ZNF740: variants seen among roughly 807,000 people sequenced by gnomAD.
ZNF740 encodes oriLyt TD-element-binding protein 7.
A neutral mutation model predicts 24.8 loss-of-function variants in ZNF740; 14 were observed. The observed-to-expected ratio is 0.56, with a 90% CI of 0.37 to 0.88. ZNF740 has a LOEUF of 0.88. Ranked by LOEUF, ZNF740 falls within the 40% of genes least tolerant of loss-of-function variation. The pLI is 0.00. For missense variants in ZNF740, 201 were observed against 247.9 expected, an observed-to-expected ratio of 0.81 and a Z score of 1.27; for synonymous variants, 69 against 84.0, an observed-to-expected ratio of 0.82 and a Z score of 0.98.
chr12:53,194,174 C>T lies in ZNF740; in HGVS notation c.*6584C>T. On this transcript the variant is annotated 3_prime_UTR_variant, in exon 7 of 7. Transcript: ENST00000416904. ...ACTCCCACCTCCCCCTGCCCGCCTTCTGCCTGTGCTTGCTGGCTCTCACCG... is the reference window on the plus strand; with the variant it reads ...ACTCCCACCTCCCCCTGCCCGCCTTTTGCCTGTGCTTGCTGGCTCTCACCG... 2 of 1,613,818 alleles carry T rather than the reference C, an allele frequency of 1.2e-6. No homozygotes were observed. The highest frequency in any genetic ancestry group is 1.7e-6 in the Non-Finnish European group (2 of 1,179,768).
At position 53,187,538 on chromosome 12, in the gene ZNF740, G is replaced by A. The variant is rs1336948495; in HGVS notation, c.530G>A (p.Arg177Gln). 2.5e-6 allele frequency: 4 copies of A among 1,613,976 alleles called. No homozygotes were observed. The highest frequency in any genetic ancestry group is 1.1e-5 in the South Asian group (1 of 91,084). ...SRTDRLLRHKRMCQGCQSKTS... is the reference protein window; with the variant it reads ...SRTDRLLRHKQMCQGCQSKTS... ...ACAGATCGATTACTCAGACACAAACGGATGTGCCAAGGGTGCCAGTCCAAG... is the reference window on the plus strand; with the variant it reads ...ACAGATCGATTACTCAGACACAAACAGATGTGCCAAGGGTGCCAGTCCAAG... Residue 177 changes from arginine to glutamine, a missense_variant, in exon 7 of 7, where the codon CGG (arginine) becomes CAG (glutamine). By Grantham distance (43) the Arg-to-Gln change is conservative (BLOSUM62 1). Transcript: ENST00000416904.
Position 53,187,666 on chromosome 12 carries a change from C to A in ZNF740, c.*76C>A. Reference sequence around the variant, plus strand: ...CACACCCCCTCTGGTCTGATGGTCCCACCACCGCCCCATGTGAACCTGTCC... The same window carrying A: ...CACACCCCCTCTGGTCTGATGGTCCAACCACCGCCCCATGTGAACCTGTCC... On this transcript the variant is annotated 3_prime_UTR_variant, in exon 7 of 7. Transcript: ENST00000416904. 8.4e-7 allele frequency: 1 copy of A among 1,185,802 alleles called. No individual in the cohort carries two copies. The highest frequency in any genetic ancestry group is 1.2e-6 in the Non-Finnish European group (1 of 806,452). The allele number at this position is 1,185,802 out of a possible 1,614,324, so 73.5% of individuals were successfully genotyped here. A position where few individuals can be genotyped will look rare whatever the true frequency, so the allele number is the denominator to read the frequency against.
chr12:53,193,962 C>T lies in ZNF740; in HGVS notation c.*6372C>T, dbSNP rs1042019795. Reference sequence around the variant, plus strand: ...CATGCACACACACATACCCCAAACTCACCAATCATCCAGAACCTCACCCCT... The same window carrying T: ...CATGCACACACACATACCCCAAACTTACCAATCATCCAGAACCTCACCCCT... On this transcript the variant is annotated 3_prime_UTR_variant, in exon 7 of 7. Transcript: ENST00000416904. The T allele has an allele frequency of 3.4e-6, 5 of 1,478,334 alleles. No homozygotes were observed. Among genetic ancestry groups the T allele is most frequent in the Non-Finnish European group, 4.6e-6 (5 of 1,081,038 alleles). The allele number at this position is 1,478,334 out of a possible 1,614,324, so 91.6% of individuals were successfully genotyped here.
Position 53,182,810 on chromosome 12 carries a change from T to C in ZNF740, c.9+818T>C, listed in dbSNP as rs1941710504. Among the ~76,000 whole-genome samples the C allele has an allele frequency of 4.6e-5, 7 of 152,042 alleles. No homozygotes were observed. In the South Asian group the frequency reaches 1.4e-3, roughly 31 times the overall value. On this transcript the variant is annotated intron_variant, in intron 2 of 6. Coordinates refer to ENST00000416904, the MANE Select transcript of ZNF740 (RefSeq NM_001004304.4). Reference sequence around the variant, plus strand: ...AAGTTGTTCCCTGCAGTAAGCAGAGTGTAACCCAAAGGCCTTTTATGCCTC... The same window carrying C: ...AAGTTGTTCCCTGCAGTAAGCAGAGCGTAACCCAAAGGCCTTTTATGCCTC...
chr12:53,185,117 T>C, intron 3 of ZNF740, 77 bp downstream of exon 3: 1 of 1,591,246 alleles, frequency 6.3e-7, no homozygotes, highest in Non-Finnish European at 8.6e-7. Flanking sequence ...CAAGCTCTGA[T>C]TCCTTGATGC....
chr12:53,181,476 A>G (rs558400234), intron 1 of ZNF740: 1 of 985,308 alleles, frequency 1.0e-6, no homozygotes, highest in African/African-American at 1.7e-5. Flanking sequence ...GGAGGCCCCA[A>G]TTACTTTTGC....
intron 3 of ZNF740, 152 bp from the exon 4 acceptor site, chr12:53,185,235 C>A (rs767483746): frequency 1.2e-5 from 13 of 1,117,374 alleles, no homozygotes; most frequent in Non-Finnish European, 1.7e-5. Flanking sequence ...CTTTTAAGAC[C>A]AGGTGCTTGG....
chr12:53,183,317 G>A (rs1941734717), intron 2 of ZNF740, among the ~76,000 whole-genome samples: 1 of 152,172 alleles, frequency 6.6e-6, no homozygotes, highest in Admixed American at 6.5e-5. Flanking sequence ...GGCTTGCAAA[G>A]GTGGAATAAC....
chr12:53,192,343 C>A lies in ZNF740; in HGVS notation c.*4753C>A. 6.2e-7 allele frequency: 1 copy of A among 1,614,088 alleles called. No individual in the cohort carries two copies. The highest frequency in any genetic ancestry group is 8.5e-7 in the Non-Finnish European group (1 of 1,180,016). On this transcript the variant is annotated 3_prime_UTR_variant, in exon 7 of 7. Transcript: ENST00000416904. ...CTGCCCACTTACTTTCTTGGGGTCT[C>A]ACTCTGAGCACGACCGTGCCTCTGG...
rs181962524 is a variant in ZNF740, at chr12:53,193,022, C to T, written c.*5432C>T. ...CTTTTTGAAGTATGCCAACCACACC[C>T]TCTAACCCATACACCGGAATCTTTT... On this transcript the variant is annotated 3_prime_UTR_variant, in exon 7 of 7. Coordinates refer to ENST00000416904, the MANE Select transcript of ZNF740 (RefSeq NM_001004304.4). 1.6e-5 allele frequency: 22 copies of T among 1,358,190 alleles called. No homozygotes were observed. In the African/African-American group the frequency reaches 1.7e-4, roughly 11 times the overall value. The allele number at this position is 1,358,190 out of a possible 1,614,324, so 84.1% of individuals were successfully genotyped here.
Position 53,186,384 on chromosome 12 carries a change from G to C in ZNF740, c.374-7G>C. 6.4e-7 allele frequency: 1 copy of C among 1,565,736 alleles called. No individual in the cohort carries two copies. The highest frequency in any genetic ancestry group is 8.7e-7 in the Non-Finnish European group (1 of 1,154,038). ...CCCACATTCACTTCTCTGTCCACCT[G>C]GGCCAGGTGAGAAGCCATTTGAATG... On this transcript the variant is annotated splice_polypyrimidine_tract_variant and splice_region_variant and intron_variant, in intron 5 of 6. Transcript: ENST00000416904.
Position 53,194,329 on chromosome 12 carries a change from CGGT to C in ZNF740, c.*6742_*6744del. ...GGGAGTGAAGAGTGTTCAAGGGTCACGGTGGAAGACAGGCTCTATGGGAAGAGA... is the reference window on the plus strand; with the variant it reads ...GGGAGTGAAGAGTGTTCAAGGGTCACGGAAGACAGGCTCTATGGGAAGAGA... On this transcript the variant is annotated 3_prime_UTR_variant, in exon 7 of 7. Coordinates refer to ENST00000416904, the MANE Select transcript of ZNF740 (RefSeq NM_001004304.4). 6.2e-7 allele frequency: 1 copy of C among 1,613,890 alleles called. No homozygotes were observed. Among genetic ancestry groups the C allele is most frequent in the South Asian group, 1.1e-5 (1 of 91,064 alleles).
chr12:53,194,453 C>CA lies in ZNF740; in HGVS notation c.*6864dup. The CA allele has an allele frequency of 9.2e-7, 1 of 1,087,126 alleles. No homozygotes were observed. The highest frequency in any genetic ancestry group is 1.3e-6 in the Non-Finnish European group (1 of 744,956). The allele number at this position is 1,087,126 out of a possible 1,614,324, so 67.3% of individuals were successfully genotyped here. A position where few individuals can be genotyped will look rare whatever the true frequency, so the allele number is the denominator to read the frequency against. On this transcript the variant is annotated 3_prime_UTR_variant, in exon 7 of 7. Transcript: ENST00000416904. ...ATTCTGCCAGCACCCTGCCCTCTGC[C>CA]ACCTGGGGCTCCTTCCATTCTGCCC...
Position 53,192,948 on chromosome 12 carries a change from C to G in ZNF740, c.*5358C>G, listed in dbSNP as rs1565698996. Reference sequence around the variant, plus strand: ...CATGCAGAGGGTGACAACCATACTCCACACACACAGTTGGCCATCATGTGG... The same window carrying G: ...CATGCAGAGGGTGACAACCATACTCGACACACACAGTTGGCCATCATGTGG... On this transcript the variant is annotated 3_prime_UTR_variant, in exon 7 of 7. Transcript: ENST00000416904. The G allele has an allele frequency of 3.1e-6, 5 of 1,588,238 alleles. No individual in the cohort carries two copies. In the East Asian group the frequency reaches 6.8e-5, roughly 21 times the overall value.
chr12:53,187,362 C>T, intron 6 of ZNF740, 139 bp from the exon 7 acceptor site: 1 of 702,908 alleles, frequency 1.4e-6, no homozygotes, highest in South Asian at 1.7e-5. Flanking sequence ...TTGGATTCTC[C>T]ACCACCGTGT....
chr12:53,185,896 A>G, intron 4 of ZNF740, 58 bp from the exon 5 acceptor site: 1 of 1,596,458 alleles, frequency 6.3e-7, no homozygotes, highest in Admixed American at 1.7e-5. Flanking sequence ...AGAGTAGAAC[A>G]GTGTCTCCAG....
At chr12:53,181,490 T>G in intron 1 of ZNF740, 187 bp from the exon 2 acceptor site, 1 of 985,394 alleles carries the variant, frequency 1.0e-6, no homozygotes. Context: ...CTTTTGCTCC[T>G]GTTGGCTTCC....
chr12:53,194,209 T>C lies in ZNF740; in HGVS notation c.*6619T>C, dbSNP rs776617357. The C allele has an allele frequency of 6.2e-7, 1 of 1,614,082 alleles. No individual in the cohort carries two copies. Among genetic ancestry groups the C allele is most frequent in the Non-Finnish European group, 8.5e-7 (1 of 1,179,992 alleles). On this transcript the variant is annotated 3_prime_UTR_variant, in exon 7 of 7. Transcript: ENST00000416904. ...TTGCTGGCTCTCACCGTCTGGTTGA[T>C]TCGGACGTGGTTGCACTGTCCTCGA...
intron 2 of ZNF740, among the ~76,000 whole-genome samples, chr12:53,184,148 TGTGCGC>T (rs1347749397): frequency 9.2e-4 from 92 of 100,390 alleles, no homozygotes; most frequent in East Asian, 5.5e-3. Flanking sequence ...TGTGTGTGTG[TGTGCGC>T]GCGCGCGCTC....
Sources: allele counts gnomAD v4.1 joint callset (sites outside exome capture counted in the v4.1 genomes callset), GRCh38; gene constraint gnomAD v4.1.1; transcripts MANE v1.5; gene names NCBI Gene and HGNC (gene_info 2026-07-23, HGNC 2026-07-21).